FAT1: variants seen among roughly 807,000 people sequenced by gnomAD.
FAT1 encodes protocadherin Fat 1.
FAT1 carries 171 observed loss-of-function variants against 329.8 expected under a neutral mutation model. That is an observed-to-expected ratio of 0.52 (90% confidence interval 0.46 to 0.59). The LOEUF (loss-of-function observed/expected upper bound fraction) is 0.59. FAT1 is among the 20% of genes least tolerant of loss of function. The pLI, the probability that FAT1 is intolerant of heterozygous loss-of-function variation, is 0.00. For missense variants in FAT1, 5,672 were observed against 5,774.4 expected (o/e 0.98, Z 0.57); for synonymous variants, 2,233 against 2,228.6 (o/e 1.00, Z -0.06).
intron 26 of FAT1, among the ~76,000 whole-genome samples, chr4:186,593,904 C>T (rs367850335): frequency 3.5e-4 from 54 of 152,188 alleles, no homozygotes; most frequent in African/African-American, 1.1e-3. Context: ...GGGAATACGA[C>T]GCAGGAACAG....
intron 26 of FAT1, chr4:186,590,231 T>C: frequency 7.8e-6 from 3 of 383,000 alleles, no homozygotes; most frequent in Non-Finnish European, 1.5e-5. Flanking sequence ...TCAAATGCAA[T>C]GCGCACACAC....
chr4:186,674,982 C>G (rs1742888506), intron 2 of FAT1, among the ~76,000 whole-genome samples: 1 of 151,826 alleles, frequency 6.6e-6, no homozygotes, highest in Non-Finnish European at 1.5e-5. Flanking sequence ...TGCAGTGAGC[C>G]GAGATCATGC....
rs1183516785 is a variant in FAT1, at chr4:186,706,620, G to A, written c.3208C>T (p.Arg1070Ter). Reference sequence around the variant, plus strand: ...CCAGAGCCATCTCTAATGGAGTATCGGATCTCCCCATCTCTTCTGGCGTCC... The same window carrying A: ...CCAGAGCCATCTCTAATGGAGTATCAGATCTCCCCATCTCTTCTGGCGTCC... ...DEDARRDGEI[R>*]YSIRDGSGVG... Residue 1070 changes from arginine to a stop codon, truncating the protein, a stop_gained, in exon 2 of 27, where the codon CGA (arginine) becomes TGA (stop). Transcript: ENST00000441802. LOFTEE classifies it high-confidence loss of function. 5.0e-6 allele frequency: 8 copies of A among 1,613,698 alleles called. No homozygotes were observed. Among genetic ancestry groups the A allele is most frequent in the East Asian group, 2.2e-5 (1 of 44,884 alleles).
At chr4:186,671,589 C>T (rs763667869) in intron 2 of FAT1, among the ~76,000 whole-genome samples, 3 of 151,862 alleles carry the variant, frequency 2.0e-5, no homozygotes, top group Non-Finnish European at 4.4e-5. Context: ...ATCCCAGCTA[C>T]TTGGGAGGCT....
rs779329716 is a variant in FAT1 at position 186,620,166 on chromosome 4, T to A, written c.6420A>T (p.Gln2140His). The change falls in exon 10 of 27, where the codon CAA becomes CAT. Residue 2140 changes from glutamine to histidine, a missense_variant. Transcript: ENST00000441802. ...CTTTATTTAAGGTGTCAAGCTCAAATTGCTTTTTCAGTGAAATTTCACCCA... is the reference window on the plus strand; with the variant it reads ...CTTTATTTAAGGTGTCAAGCTCAAAATGCTTTTTCAGTGAAATTTCACCCA... ...GPLGEISLKKQFELDTLNKEY... is the reference protein window; with the variant it reads ...GPLGEISLKKHFELDTLNKEY... The A allele has an allele frequency of 1.2e-6, 2 of 1,613,900 alleles. No homozygotes were observed. The highest frequency in any genetic ancestry group is 1.7e-6 in the Non-Finnish European group (2 of 1,179,906).
At chr4:186,623,255 G>C (rs923261744) in intron 9 of FAT1, among the ~76,000 whole-genome samples, 2 of 152,222 alleles carry the variant, frequency 1.3e-5, no homozygotes, top group African/African-American at 4.8e-5. Context: ...CCAGGCTTTT[G>C]AGACACTAAT....
intron 9 of FAT1, among the ~76,000 whole-genome samples, chr4:186,622,951 G>A (rs1740119497): frequency 6.6e-6 from 1 of 152,244 alleles, no homozygotes; most frequent in Non-Finnish European, 1.5e-5. Flanking sequence ...TCACAGACCA[G>A]AACTGCTCAG....
At position 186,709,457 on chromosome 4, in the gene FAT1, T is replaced by G. The variant is rs774504910; in HGVS notation, c.371A>C (p.Glu124Ala). The change falls in exon 2 of 27, where the codon GAA becomes GCA. Residue 124 changes from glutamate (E) to alanine (A), a missense_variant. Transcript: ENST00000441802. The part of the protein sequence containing the change: ...DHYTLIVKAL[E>A]KNTNVEARTK... ...TCGCGCCTCCACATTAGTATTTTTT[T>G]CAAGTGCTTTCACTATCAATGTGTA... is the stretch of plus-strand genomic sequence containing the variant. 5 of 1,613,892 alleles carry G rather than the reference T, an allele frequency of 3.1e-6. No individual in the cohort carries two copies. The African/African-American group carries it at 5.3e-5, about 17-fold the overall frequency.
At chr4:186,644,638 G>A (rs1172203350) in intron 3 of FAT1, among the ~76,000 whole-genome samples, 1 of 151,786 alleles carries the variant, frequency 6.6e-6, no homozygotes, top group Admixed American at 6.6e-5. Context: ...ATTTAGAGAT[G>A]AGTTCATTTA....
chr4:186,645,417 AT>A lies in FAT1; in HGVS notation c.3581-5635del, dbSNP rs1560962566. 1.3e-3 allele frequency among the ~76,000 whole-genome samples: 91 copies of A among 70,078 alleles called. 3 individuals are homozygous for A. Among genetic ancestry groups the A allele is most frequent in the African/African-American group, 5.4e-3 (86 of 15,840 alleles). 46.0% of individuals were successfully genotyped at this position (70,078 alleles called of 152,430 possible). A position where few individuals can be genotyped will look rare whatever the true frequency, so the allele number is the denominator to read the frequency against. ...TATATATATATATATATATATATAT[AT>A]ATATGCCTGTAAAAAACTGAGATAT... On this transcript the variant is annotated intron_variant, in intron 3 of 26. Coordinates refer to ENST00000441802, the MANE Select transcript of FAT1 (RefSeq NM_005245.4).
chr4:186,655,664 C>A (rs144103296), intron 3 of FAT1, among the ~76,000 whole-genome samples: 1 of 151,968 alleles, frequency 6.6e-6, no homozygotes. Context: ...AACTCCTGAC[C>A]TCAAGTGATC....
intron 22 of FAT1, among the ~76,000 whole-genome samples, chr4:186,599,291 CT>C (rs1366880512): frequency 6.6e-6 from 1 of 152,168 alleles, no homozygotes. Context: ...TATTTTTGCT[CT>C]GTTCATTATA....
chr4:186,688,652 C>CG (rs1743600349), intron 2 of FAT1, among the ~76,000 whole-genome samples: 1 of 49,704 alleles, frequency 2.0e-5, no homozygotes, highest in Non-Finnish European at 4.5e-5. Flanking sequence ...GTACCCCCCC[C>CG]GCCCCCCCCC....
At chr4:186,605,884 G>A (rs959405820) in intron 17 of FAT1, among the ~76,000 whole-genome samples, 186 bp downstream of exon 17, 2 of 152,070 alleles carry the variant, frequency 1.3e-5, no homozygotes, top group African/African-American at 4.8e-5. Context: ...AGCACGGAAA[G>A]GAAAGAGATA....
At position 186,618,070 on chromosome 4, in the gene FAT1, C is replaced by T. The variant is rs764676157; in HGVS notation, c.8516G>A (p.Gly2839Glu). 6.2e-7 allele frequency: 1 copy of T among 1,614,000 alleles called. No individual in the cohort carries two copies. Among genetic ancestry groups the T allele is most frequent in the South Asian group, 1.1e-5 (1 of 91,074 alleles). Reference protein sequence around the residue: ...IQIRASDADSGTNGQVMYSLD... With the variant: ...IQIRASDADSETNGQVMYSLD... ...GCTATACATAACTTGGCCGTTGGTT[C>T]CTGAGTCAGCATCAGATGCCCTGAT... The change falls in exon 10 of 27, where the codon GGA becomes GAA. Residue 2839 changes from glycine (G) to glutamate (E), a missense_variant. Coordinates refer to ENST00000441802, the MANE Select transcript of FAT1 (RefSeq NM_005245.4).
At chr4:186,610,291 T>G (rs1043979332) in intron 14 of FAT1, among the ~76,000 whole-genome samples, 2 of 152,120 alleles carry the variant, frequency 1.3e-5, no homozygotes, top group Non-Finnish European at 2.9e-5. Context: ...ATTATAAACA[T>G]GATGATTGTA....
chr4:186,604,032 T>C (rs2126436635), intron 18 of FAT1, 55 bp from the exon 19 acceptor site: 3 of 1,359,136 alleles, frequency 2.2e-6, no homozygotes. Flanking sequence ...TTATAACTTC[T>C]TCAATAAAAA....
At chr4:186,606,685 A>AC (rs1739154417) in intron 16 of FAT1, among the ~76,000 whole-genome samples, 1 of 151,726 alleles carries the variant, frequency 6.6e-6, no homozygotes, top group African/African-American at 2.4e-5. Context: ...ACTCCAGATC[A>AC]CCCTCCCCCT....
chr4:186,629,522 G>C (rs1740486726), intron 7 of FAT1, among the ~76,000 whole-genome samples: 1 of 152,196 alleles, frequency 6.6e-6, no homozygotes, highest in African/African-American at 2.4e-5. Context: ...AAGACGTATG[G>C]ATTTGGCACA....
Sources: gnomAD v4.1 joint callset for allele counts (sites outside exome capture counted in the v4.1 genomes callset) on GRCh38, gnomAD v4.1.1 for gene constraint, MANE v1.5 for transcripts, NCBI Gene and HGNC (gene_info 2026-07-23, HGNC 2026-07-21) for gene names.